DHRSX: variants seen among roughly 807,000 people sequenced by gnomAD.
DHRSX encodes the protein polyprenol dehydrogenase.
DHRSX carries 31 observed loss-of-function variants against 34.0 expected under a neutral mutation model. That is an observed-to-expected ratio of 0.91 (90% CI 0.69 to 1.23). The LOEUF (loss-of-function observed/expected upper bound fraction) is 1.23. DHRSX is among the 50% of genes most tolerant of loss of function. The pLI is 0.00. For synonymous variants in DHRSX, 201 were observed against 183.8 expected, an observed-to-expected ratio of 1.09 and a Z score of -0.76; for missense variants, 414 against 428.1, an observed-to-expected ratio of 0.97 and a Z score of 0.29.
chrX:2,462,552 T>C (rs2044418025), intron 1 of DHRSX, among the ~76,000 whole-genome samples: 1 of 151,796 alleles, frequency 6.6e-6, no homozygotes, highest in Non-Finnish European at 1.5e-5. Flanking sequence ...AAAACAATGT[T>C]AGATAGTATC....
At chrX:2,238,674 C>T (rs756598663) in intron 6 of DHRSX, among the ~76,000 whole-genome samples, 1 of 151,730 alleles carries the variant, frequency 6.6e-6, no homozygotes, top group East Asian at 1.9e-4. Flanking sequence ...ACCTCCGCCT[C>T]CCAGGTTCAA....
intron 3 of DHRSX, among the ~76,000 whole-genome samples, chrX:2,393,299 C>G (rs1181604105): frequency 6.6e-6 from 1 of 152,054 alleles, no homozygotes; most frequent in Non-Finnish European, 1.5e-5. Flanking sequence ...TAGACATTGA[C>G]CATGTACAAG....
chrX:2,344,963 A>T (rs1176707195), intron 3 of DHRSX, among the ~76,000 whole-genome samples: 1 of 143,596 alleles, frequency 7.0e-6, no homozygotes, highest in Non-Finnish European at 1.5e-5. Flanking sequence ...AAAATTTTGA[A>T]TTTTATAAAT....
intron 3 of DHRSX, among the ~76,000 whole-genome samples, chrX:2,382,627 T>C (rs866632255): frequency 6.4e-5 from 4 of 62,182 alleles, no homozygotes; most frequent in East Asian, 4.9e-4. Flanking sequence ...ACCACCATCA[T>C]CACCATCATC....
At chrX:2,465,958 A>G (rs1181673865) in intron 1 of DHRSX, among the ~76,000 whole-genome samples, 1 of 152,206 alleles carries the variant, frequency 6.6e-6, no homozygotes, top group Non-Finnish European at 1.5e-5. Context: ...TGCAATTCGA[A>G]TGACTCCACA....
chrX:2,500,943 C>T lies in DHRSX; in HGVS notation c.-18G>A. ...GGCGACATGGCTGCCCCGGCCGCGCCGCCGCCGCTTCCGCGCCGCCCGCGG... is the reference window on the plus strand; with the variant it reads ...GGCGACATGGCTGCCCCGGCCGCGCTGCCGCCGCTTCCGCGCCGCCCGCGG... On this transcript the variant is annotated 5_prime_UTR_variant, in exon 1 of 7. Transcript: ENST00000334651. 1.9e-6 allele frequency: 2 copies of T among 1,043,262 alleles called. No individual in the cohort carries two copies. Among genetic ancestry groups the T allele is most frequent in the Non-Finnish European group, 1.2e-6 (1 of 868,082 alleles). The allele number at this position is 1,043,262 out of a possible 1,614,324, so 64.6% of individuals were successfully genotyped here.
chrX:2,454,109 C>A (rs1246296385), intron 1 of DHRSX, among the ~76,000 whole-genome samples: 1 of 151,954 alleles, frequency 6.6e-6, no homozygotes, highest in African/African-American at 2.4e-5. Context: ...AAAACAAGTC[C>A]CAGTTTCGAG....
At chrX:2,263,227 C>T (rs1422152782) in intron 5 of DHRSX, among the ~76,000 whole-genome samples, 2 of 152,212 alleles carry the variant, frequency 1.3e-5, no homozygotes, top group African/African-American at 4.8e-5. Context: ...CATGGAAATC[C>T]TCATCCCCCG....
In DHRSX at chrX:2,471,440, A is replaced by T. The variant is rs1487356682; in HGVS notation, c.109+29377T>A. Among the ~76,000 whole-genome samples, 3 of 150,888 alleles carry T rather than the reference A, an allele frequency of 2.0e-5. No individual in the cohort carries two copies. In the East Asian group the frequency reaches 5.8e-4, roughly 29 times the overall value. ...AAATTAGCCGGGTGTGGTGGCAGGCACCTGCAATCCCAGCTACTCAGGAGA... is the reference window on the plus strand; with the variant it reads ...AAATTAGCCGGGTGTGGTGGCAGGCTCCTGCAATCCCAGCTACTCAGGAGA... On this transcript the variant is annotated intron_variant, in intron 1 of 6. Coordinates refer to ENST00000334651, the MANE Select transcript of DHRSX (RefSeq NM_145177.3).
chrX:2,224,631 C>T (rs147144672), intron 6 of DHRSX, among the ~76,000 whole-genome samples: 2,033 of 152,174 alleles, frequency 0.013, 23 homozygotes, highest in Non-Finnish European at 0.022. Context: ...TATTCATGTG[C>T]GCATGGTCAC....
chrX:2,285,592 C>T (rs2041795258), intron 4 of DHRSX, among the ~76,000 whole-genome samples: 3 of 152,070 alleles, frequency 2.0e-5, no homozygotes, highest in South Asian at 2.1e-4. Flanking sequence ...GCTGTGCGGC[C>T]GGTGTCCTAA....
At chrX:2,381,630 T>C (rs1390571431) in intron 3 of DHRSX, among the ~76,000 whole-genome samples, 2 of 150,576 alleles carry the variant, frequency 1.3e-5, no homozygotes, top group Non-Finnish European at 3.0e-5. Flanking sequence ...CTCAAAAAAA[T>C]AAAAATGAAA....
At chrX:2,337,561 T>C (rs1331473718) in intron 3 of DHRSX, among the ~76,000 whole-genome samples, 4 of 148,630 alleles carry the variant, frequency 2.7e-5, no homozygotes, top group African/African-American at 7.9e-5. Flanking sequence ...GAAACACTGA[T>C]TGGAGAAAAT....
At chrX:2,385,610 T>C (rs1349017614) in intron 3 of DHRSX, among the ~76,000 whole-genome samples, 1 of 152,154 alleles carries the variant, frequency 6.6e-6, no homozygotes, top group Non-Finnish European at 1.5e-5. Flanking sequence ...GATTAATTCC[T>C]TCAGAGGTTT....
chrX:2,485,897 A>C (rs920913292), intron 1 of DHRSX, among the ~76,000 whole-genome samples: 2 of 147,222 alleles, frequency 1.4e-5, no homozygotes, highest in African/African-American at 5.1e-5. Context: ...AGAAGAGACA[A>C]GGATGGGAGG....
rs145656541 is a variant in DHRSX at position 2,472,839 on chromosome X, C to T, written c.109+27978G>A. ...ATATTTTACTGAATTTTTTTTAAGT[C>T]CTTTAAAATGTTAGGGTAGTGTCTT... is the stretch of plus-strand genomic sequence containing the variant. On this transcript the variant is annotated intron_variant, in intron 1 of 6. Transcript: ENST00000334651. 3.1e-3 allele frequency among the ~76,000 whole-genome samples: 471 copies of T among 152,076 alleles called. 8 individuals carry two copies. The highest frequency in any genetic ancestry group is 0.01 in the African/African-American group (415 of 41,478).
chrX:2,275,619 G>A (rs2124473686), intron 4 of DHRSX, among the ~76,000 whole-genome samples: 1 of 151,634 alleles, frequency 6.6e-6, no homozygotes, highest in East Asian at 2.0e-4. Context: ...GCACCCCTAA[G>A]CCCTTTTTTG....
intron 1 of DHRSX, among the ~76,000 whole-genome samples, chrX:2,431,323 T>G (rs2043918903): frequency 1.3e-5 from 1 of 77,726 alleles, no homozygotes; most frequent in East Asian, 7.9e-4. Flanking sequence ...AGACTCCATC[T>G]CACAAAAAAA....
chrX:2,451,850 C>T (rs1033541693), intron 1 of DHRSX, among the ~76,000 whole-genome samples: 1 of 152,088 alleles, frequency 6.6e-6, no homozygotes, highest in South Asian at 2.1e-4. Context: ...GGACTGCTGC[C>T]GTGTACACAC....
Sources: gnomAD v4.1 joint callset for allele counts (sites outside exome capture counted in the v4.1 genomes callset) on GRCh38, gnomAD v4.1.1 for gene constraint, MANE v1.5 for transcripts, NCBI Gene and HGNC (gene_info 2026-07-23, HGNC 2026-07-21) for gene names.